The following RNF130 variants were observed in gnomAD, a reference collection of about 807,000 sequenced individuals.
RNF130 encodes the protein E3 ubiquitin-protein ligase RNF130.
Under a neutral mutation model 44.6 loss-of-function variants are expected in RNF130, and 21 were observed. The ratio of observed to expected loss-of-function variants is 0.47; its 90% CI spans 0.33 to 0.68. The LOEUF (loss-of-function observed/expected upper bound fraction) is 0.68. Ranked by LOEUF, RNF130 falls within the 30% of genes least tolerant of loss-of-function variation. The pLI, the probability that RNF130 is intolerant of heterozygous loss-of-function variation, is 0.02. For missense variants in RNF130, 479 were observed against 560.6 expected, an observed-to-expected ratio of 0.85 and a Z score of 1.47; for synonymous variants, 214 against 210.4, an observed-to-expected ratio of 1.02 and a Z score of -0.15.
intron 1 of RNF130, among the ~76,000 whole-genome samples, chr5:180,069,025 A>G (rs1376900757): frequency 6.6e-6 from 1 of 152,262 alleles, no homozygotes; most frequent in African/African-American, 2.4e-5. Flanking sequence ...CAAGATTATA[A>G]TGTAAAATAC....
chr5:180,039,125 C>T (rs981050487), intron 2 of RNF130, among the ~76,000 whole-genome samples: 1 of 152,078 alleles, frequency 6.6e-6, no homozygotes, highest in African/African-American at 2.4e-5. Context: ...CAGTGATCTC[C>T]GGATAGTGAA....
chr5:179,928,818 C>T (rs527869995), intron 7 of RNF130, among the ~76,000 whole-genome samples: 49 of 152,004 alleles, frequency 3.2e-4, no homozygotes, highest in South Asian at 1.0e-3. Flanking sequence ...TTAGTAGAGA[C>T]GGGGTTTCAA....
chr5:180,018,691 T>C (rs759217816), intron 2 of RNF130, among the ~76,000 whole-genome samples: 1 of 152,244 alleles, frequency 6.6e-6, no homozygotes, highest in Non-Finnish European at 1.5e-5. Flanking sequence ...CCACAGATTT[T>C]TGGATGCCCA....
At chr5:179,998,262 T>C (rs994797928) in intron 3 of RNF130, among the ~76,000 whole-genome samples, 3 of 152,242 alleles carry the variant, frequency 2.0e-5, no homozygotes, top group Non-Finnish European at 4.4e-5. Context: ...CTGTATCCCA[T>C]AGGTTTTGGT....
chr5:179,983,223 A>T (rs1408370155), intron 3 of RNF130, among the ~76,000 whole-genome samples: 2 of 151,262 alleles, frequency 1.3e-5, no homozygotes, highest in Non-Finnish European at 2.9e-5. Flanking sequence ...AGCTTTGCCT[A>T]TTTCAAGGTT....
chr5:179,987,972 G>C (rs1762992736), intron 3 of RNF130, among the ~76,000 whole-genome samples: 1 of 152,078 alleles, frequency 6.6e-6, no homozygotes, highest in Non-Finnish European at 1.5e-5. Flanking sequence ...GAATAATTTG[G>C]GTCTGGTAGA....
At chr5:179,962,713 A>G (rs1274605405) in intron 8 of RNF130, among the ~76,000 whole-genome samples, 1 of 152,206 alleles carries the variant, frequency 6.6e-6, no homozygotes, top group Non-Finnish European at 1.5e-5. Context: ...AAAATGGACC[A>G]TAACAGTCAT....
chr5:179,916,661 TGG>T (rs1279194208), exon 8 of RNF130: 1 of 152,272 alleles, frequency 6.6e-6, no homozygotes, highest in African/African-American at 2.4e-5. Flanking sequence ...CCAGGGGAGC[TGG>T]GGCCTCTCTG....
intron 7 of RNF130, among the ~76,000 whole-genome samples, chr5:179,921,796 G>A (rs951578841): frequency 6.7e-6 from 1 of 149,322 alleles, no homozygotes; most frequent in Non-Finnish European, 1.5e-5. Flanking sequence ...GGCGAGGTGG[G>A]TGGATCACGA....
chr5:179,930,214 C>T (rs1030045160), intron 7 of RNF130, among the ~76,000 whole-genome samples: 3 of 152,030 alleles, frequency 2.0e-5, no homozygotes, highest in Non-Finnish European at 2.9e-5. Flanking sequence ...TCTGCCACCA[C>T]ACCCGGCTAA....
intron 7 of RNF130, 34 bp from the exon 8 acceptor site, chr5:179,963,598 G>A (rs1762378324): frequency 1.0e-5 from 15 of 1,474,038 alleles, no homozygotes; most frequent in Middle Eastern, 1.7e-4. Context: ...AATCACTCTG[G>A]GGAGAAGGTT....
intron 2 of RNF130, among the ~76,000 whole-genome samples, chr5:180,024,667 A>G (rs1227248311): frequency 6.6e-6 from 1 of 152,238 alleles, no homozygotes; most frequent in Non-Finnish European, 1.5e-5. Flanking sequence ...TGCTGCATGA[A>G]ATGATTTAAA....
intron 3 of RNF130, among the ~76,000 whole-genome samples, chr5:180,006,269 A>G (rs943203885): frequency 6.6e-6 from 1 of 152,034 alleles, no homozygotes; most frequent in East Asian, 1.9e-4. Context: ...CAGTATATAC[A>G]ATACTTCCTC....
At chr5:180,032,525 G>A (rs984354147) in intron 2 of RNF130, among the ~76,000 whole-genome samples, 4 of 152,098 alleles carry the variant, frequency 2.6e-5, no homozygotes, top group African/African-American at 7.2e-5. Flanking sequence ...CATGAGCCAC[G>A]AGGCCCGGCT....
chr5:180,028,496 T>C (rs1230635497), intron 2 of RNF130, among the ~76,000 whole-genome samples: 2 of 152,166 alleles, frequency 1.3e-5, no homozygotes, highest in African/African-American at 2.4e-5. Context: ...GAATCCTAAG[T>C]AATCCTCATT....
intron 2 of RNF130, among the ~76,000 whole-genome samples, chr5:180,029,403 A>G (rs1764070105): frequency 6.6e-6 from 1 of 152,204 alleles, no homozygotes; most frequent in South Asian, 2.1e-4. Context: ...ATTCTGTCTG[A>G]AAAACAGGAG....
At chr5:180,021,855 T>C (rs554038784) in intron 2 of RNF130, among the ~76,000 whole-genome samples, 1 of 152,318 alleles carries the variant, frequency 6.6e-6, no homozygotes, top group Middle Eastern at 3.4e-3. Flanking sequence ...TCCAAGCTTC[T>C]GCGACTTTCC....
intron 3 of RNF130, among the ~76,000 whole-genome samples, chr5:180,005,129 T>TA (rs1763433815): frequency 6.6e-6 from 1 of 152,242 alleles, no homozygotes; most frequent in African/African-American, 2.4e-5. Flanking sequence ...ACTCCACTGC[T>TA]AAAAAACCGT....
At chr5:180,000,740 C>T (rs1763315622) in intron 3 of RNF130, among the ~76,000 whole-genome samples, 1 of 152,096 alleles carries the variant, frequency 6.6e-6, no homozygotes. Flanking sequence ...TTGATTCTTA[C>T]TTCTCTTTTA....
Sources: allele counts gnomAD v4.1 joint callset (sites outside exome capture counted in the v4.1 genomes callset), GRCh38; gene constraint gnomAD v4.1.1; transcripts MANE v1.5; gene names NCBI Gene and HGNC (gene_info 2026-07-23, HGNC 2026-07-21).